MAVS: variants seen among roughly 807,000 people sequenced by gnomAD.
MAVS encodes the protein mitochondrial antiviral signaling protein, also known as mitochondrial antiviral-signaling protein.
Under a neutral mutation model 30.2 loss-of-function variants are expected in MAVS, and 20 were observed. The observed-to-expected ratio is 0.66, with a 90% CI of 0.47 to 0.96. The LOEUF is 0.96. MAVS is among the 40% of genes least tolerant of loss of function. The pLI is 0.00. For synonymous variants in MAVS, 278 were observed against 293.9 expected (o/e 0.95, Z 0.55); for missense variants, 624 against 701.1 (o/e 0.89, Z 1.24).
chr20:3,855,971 T>A (rs556515051), intron 2 of MAVS, among the ~76,000 whole-genome samples: 1 of 150,482 alleles, frequency 6.6e-6, no homozygotes, highest in East Asian at 2.0e-4. Context: ...AGAGATGGAG[T>A]TTCACCATGT....
Position 3,871,516 on chromosome 20 carries a change from T to TGA in MAVS, c.*5371_*5372dup, listed in dbSNP as rs1286880191. The TGA allele has an allele frequency of 6.6e-6, 1 of 152,512 alleles. No individual in the cohort carries two copies. Among genetic ancestry groups the TGA allele is most frequent in the East Asian group, 1.9e-4 (1 of 5,336 alleles). 9.4% of individuals were successfully genotyped at this position (152,512 alleles called of 1,614,324 possible). On this transcript the variant is annotated 3_prime_UTR_variant, in exon 7 of 7. Coordinates refer to ENST00000428216, the MANE Select transcript of MAVS (RefSeq NM_020746.5). The stretch of plus-strand genomic sequence containing the variant: ...TGTGTCCAGTGGCAGTTTGCCCCAC[T>TGA]GAGGCAGGGGCTTCCACTAGGCCCT...
At chr20:3,863,016 A>C (rs925877564) in intron 5 of MAVS, among the ~76,000 whole-genome samples, 1 of 152,174 alleles carries the variant, frequency 6.6e-6, no homozygotes, top group Non-Finnish European at 1.5e-5. Context: ...CGAGATAAGT[A>C]GGGCCATTTT....
Position 3,854,706 on chromosome 20 carries a change from C to CT in MAVS, c.83dup (p.Pro29AlafsTer52). On this transcript the variant is annotated frameshift_variant, in exon 2 of 7. Transcript: ENST00000428216. LOFTEE classifies it high-confidence loss of function. ...TTGCAATGTGGATGTTGTAGAGATT[C>CT]TGCCTTACCTGCCCTGCCTCACAGC... 1 of 1,613,818 alleles carries CT rather than the reference C, an allele frequency of 6.2e-7. No individual in the cohort carries two copies. Among genetic ancestry groups the CT allele is most frequent in the Non-Finnish European group, 8.5e-7 (1 of 1,179,844 alleles).
At chr20:3,852,878 C>G (rs1381643757) in intron 1 of MAVS, among the ~76,000 whole-genome samples, 1 of 143,902 alleles carries the variant, frequency 6.9e-6, no homozygotes, top group South Asian at 2.2e-4. Flanking sequence ...CTCACTCTGC[C>G]GCCCAGGCTG....
chr20:3,860,655 G>A (rs900068411), intron 3 of MAVS, among the ~76,000 whole-genome samples: 17 of 151,358 alleles, frequency 1.1e-4, no homozygotes, highest in African/African-American at 1.5e-4. Flanking sequence ...GATTACAGGC[G>A]TGAGCCACCA....
At chr20:3,854,505 C>G in intron 1 of MAVS, 53 bp from the exon 2 acceptor site, 1 of 582,368 alleles carries the variant, frequency 1.7e-6, no homozygotes, top group Non-Finnish European at 3.0e-6. Flanking sequence ...TTTTGTCCAG[C>G]CCCACTCCCA....
At chr20:3,864,829 C>T (rs775310328) in intron 6 of MAVS, 41 bp downstream of exon 6, 86 of 1,593,016 alleles carry the variant, frequency 5.4e-5, no homozygotes, top group Non-Finnish European at 7.2e-5. Context: ...TGGCCCCTTC[C>T]CCCGGGACAG....
chr20:3,852,726 C>T lies in MAVS; in HGVS notation c.-67-1832C>T, dbSNP rs148077839. On this transcript the variant is annotated intron_variant, in intron 1 of 6. Coordinates refer to ENST00000428216, the MANE Select transcript of MAVS (RefSeq NM_020746.5). ...TTTTATTTTTTTAGAGACAGGGTCT[C>T]GCTGTGTTGCCCAGGCTGGCCTCGA... Among the ~76,000 whole-genome samples the T allele has an allele frequency of 9.3e-3, 1,407 of 151,888 alleles. 27 individuals carry two copies. The highest frequency in any genetic ancestry group is 0.032 in the African/African-American group (1,336 of 41,412).
chr20:3,874,604 T>C lies in MAVS; in HGVS notation c.*8457T>C. On this transcript the variant is annotated 3_prime_UTR_variant, in exon 7 of 7. Coordinates refer to ENST00000428216, the MANE Select transcript of MAVS (RefSeq NM_020746.5). ...ATCTTTGGTTGGTTGGGGGGGTATA[T>C]TTGGCTTTCTCTGGTTGGTCTGGAG... is the stretch of plus-strand genomic sequence containing the variant. The C allele has an allele frequency of 5.8e-6, 1 of 172,144 alleles. No homozygotes were observed. Among genetic ancestry groups the C allele is most frequent in the Non-Finnish European group, 1.2e-5 (1 of 81,780 alleles). The allele number at this position is 172,144 out of a possible 1,614,324, so 10.7% of individuals were successfully genotyped here.
chr20:3,865,816 C>T lies in MAVS; in HGVS notation c.1292C>T (p.Pro431Leu), dbSNP rs756495843. The change falls in exon 7 of 7, where the codon CCG (proline) becomes CTG (leucine). Residue 431 changes from proline (P) to leucine (L), a missense_variant. Pro to Leu is a moderately conservative substitution (Grantham distance 98). Transcript: ENST00000428216. This position sits in a 1 kb window ranked among gnomAD's most constrained non-coding sequence, Gnocchi z 4.7. ...GTGCTGGCATCCCAGGTAGACAGCC[C>T]GTTCTCGGGCTGCTTCGAGGATCTT... is the stretch of plus-strand genomic sequence containing the variant. Reference protein sequence around the residue: ...PGVLASQVDSPFSGCFEDLAI... With the variant: ...PGVLASQVDSLFSGCFEDLAI... 1.2e-5 allele frequency: 19 copies of T among 1,613,812 alleles called. No homozygotes were observed. Among genetic ancestry groups the T allele is most frequent in the African/African-American group, 2.7e-5 (2 of 74,914 alleles).
chr20:3,874,105 C>T lies in MAVS; in HGVS notation c.*7958C>T, dbSNP rs1047185288. 45 of 398,486 alleles carry T rather than the reference C, an allele frequency of 1.1e-4. No individual in the cohort carries two copies. In the East Asian group the frequency reaches 1.5e-3, roughly 14 times the overall value. The allele number at this position is 398,486 out of a possible 1,614,324, so 24.7% of individuals were successfully genotyped here. On this transcript the variant is annotated 3_prime_UTR_variant, in exon 7 of 7. Transcript: ENST00000428216. ...CAGCAACGAATATGAATGAAAATAT[C>T]GCTATGCACAGCAACATGGATAAAT...
intron 1 of MAVS, among the ~76,000 whole-genome samples, 165 bp from the exon 2 acceptor site, chr20:3,854,393 C>A (rs557931081): frequency 3.0e-5 from 4 of 131,270 alleles, no homozygotes; most frequent in African/African-American, 1.3e-4. Context: ...CCACTGCACT[C>A]CAGCCTGGGT....
At position 3,871,310 on chromosome 20, in the gene MAVS, A is replaced by T; in HGVS notation, c.*5163A>T. On this transcript the variant is annotated 3_prime_UTR_variant, in exon 7 of 7. Transcript: ENST00000428216. The stretch of plus-strand genomic sequence containing the variant: ...AGACAGCATGAAGTAACAATGAGGC[A>T]TCCACCTCTTGGTTTTGTGGCCTCT... 1 of 153,936 alleles carries T rather than the reference A, an allele frequency of 6.5e-6. No individual in the cohort carries two copies. The highest frequency in any genetic ancestry group is 1.9e-4 in the East Asian group (1 of 5,324). The allele number at this position is 153,936 out of a possible 1,614,324, so 9.5% of individuals were successfully genotyped here.
At chr20:3,858,449 G>T (rs529799254) in intron 3 of MAVS, among the ~76,000 whole-genome samples, 1 of 152,178 alleles carries the variant, frequency 6.6e-6, no homozygotes, top group South Asian at 2.1e-4. Context: ...GGAGGCCGAG[G>T]CAGGCGGATC....
In MAVS at chr20:3,852,011, C is replaced by T. The variant is rs1403304129; in HGVS notation, c.-67-2547C>T. Among the ~76,000 whole-genome samples, 5 of 47,222 alleles carry T rather than the reference C, an allele frequency of 1.1e-4. 1 individual carries two copies. Among genetic ancestry groups the T allele is most frequent in the African/African-American group, 4.4e-4 (4 of 9,118 alleles). 31.0% of individuals were successfully genotyped at this position (47,222 alleles called of 152,430 possible). On this transcript the variant is annotated intron_variant, in intron 1 of 6. Coordinates refer to ENST00000428216, the MANE Select transcript of MAVS (RefSeq NM_020746.5). ...CAGGCTTTTTTTTTTTTTTTTTCCCCCGAGACGGAATCTGGCTCTGTCGCC... is the reference window on the plus strand; with the variant it reads ...CAGGCTTTTTTTTTTTTTTTTTCCCTCGAGACGGAATCTGGCTCTGTCGCC...
At chr20:3,853,597 C>T (rs555408229) in intron 1 of MAVS, among the ~76,000 whole-genome samples, 31 of 152,118 alleles carry the variant, frequency 2.0e-4, no homozygotes, top group Non-Finnish European at 4.0e-4. Flanking sequence ...CGTTTGAGAC[C>T]AGCCTGGGCA....
intron 3 of MAVS, among the ~76,000 whole-genome samples, chr20:3,860,337 C>T (rs964206937): frequency 1.1e-4 from 17 of 151,662 alleles, no homozygotes; most frequent in Non-Finnish European, 4.4e-5. Flanking sequence ...AAGTGGTTCT[C>T]CTTCCTCAGC....
At position 3,865,276 on chromosome 20, in the gene MAVS, C is replaced by CA. The variant is rs2089897684; in HGVS notation, c.1159-406dup. The stretch of plus-strand genomic sequence containing the variant: ...CCCCATTGTTGCCTGCTCCAAGCCT[C>CA]ACATCTAACCCTAGCTGCGGCTGTC... On this transcript the variant is annotated intron_variant, in intron 6 of 6. Transcript: ENST00000428216. This position sits in a 1 kb window ranked among gnomAD's most constrained non-coding sequence, Gnocchi z 4.7. Among the ~76,000 whole-genome samples, 1 of 152,202 alleles carries CA rather than the reference C, an allele frequency of 6.6e-6. No individual in the cohort carries two copies. Among genetic ancestry groups the CA allele is most frequent in the Non-Finnish European group, 1.5e-5 (1 of 68,038 alleles).
rs998412599 is a variant in MAVS at position 3,865,498 on chromosome 20, T to C, written c.1159-185T>C. On this transcript the variant is annotated intron_variant, in intron 6 of 6. Coordinates refer to ENST00000428216, the MANE Select transcript of MAVS (RefSeq NM_020746.5). This position sits in a 1 kb window ranked among gnomAD's most constrained non-coding sequence, Gnocchi z 4.7. ...AAGGCTGCCCTGGAGGAGGCCACCA[T>C]TGGTGCAGATTCTTGGTCCCCTCTA... 3.9e-5 allele frequency among the ~76,000 whole-genome samples: 6 copies of C among 152,072 alleles called. No individual in the cohort carries two copies. The highest frequency in any genetic ancestry group is 1.4e-4 in the African/African-American group (6 of 41,412).
Sources: allele counts gnomAD v4.1 joint callset (sites outside exome capture counted in the v4.1 genomes callset), GRCh38; gene constraint gnomAD v4.1.1; non-coding constraint Gnocchi (gnomAD v3.1); transcripts MANE v1.5; gene names NCBI Gene and HGNC (gene_info 2026-07-23, HGNC 2026-07-21).